The following CLCN3 variants were observed in gnomAD, a reference collection of about 807,000 sequenced individuals.
CLCN3 encodes Cl-/H+ antiporter 3.
CLCN3 carries 16 observed loss-of-function variants against 83.4 expected under a neutral mutation model. The ratio of observed to expected loss-of-function variants is 0.19; its 90% CI spans 0.13 to 0.29. CLCN3 has a LOEUF of 0.29. Ranked by LOEUF, CLCN3 falls within the 10% of genes least tolerant of loss-of-function variation. CLCN3 has a pLI of 1.00. For synonymous variants in CLCN3, 322 were observed against 346.2 expected, an observed-to-expected ratio of 0.93 and a Z score of 0.78; for missense variants, 544 against 1,006.0, an observed-to-expected ratio of 0.54 and a Z score of 6.21.
chr4:169,674,939 G>A (rs1476742184), intron 2 of CLCN3, among the ~76,000 whole-genome samples: 1 of 152,052 alleles, frequency 6.6e-6, no homozygotes. Flanking sequence ...ATGGGGTTTT[G>A]CCATGTTGCC....
intron 12 of CLCN3, among the ~76,000 whole-genome samples, chr4:169,716,027 C>CA (rs1278088166): frequency 6.6e-6 from 1 of 152,070 alleles, no homozygotes; most frequent in Non-Finnish European, 1.5e-5. Context: ...TAGTAGAACT[C>CA]ATGGGAACTG....
At chr4:169,659,338 A>C (rs1176176982) in intron 2 of CLCN3, among the ~76,000 whole-genome samples, 1 of 152,196 alleles carries the variant, frequency 6.6e-6, no homozygotes, top group Non-Finnish European at 1.5e-5. Context: ...TCTGAACTTC[A>C]TAAAAATTTC....
chr4:169,679,697 C>T (rs190631231), intron 2 of CLCN3, among the ~76,000 whole-genome samples: 53 of 152,282 alleles, frequency 3.5e-4, no homozygotes, highest in East Asian at 3.3e-3. Flanking sequence ...GAGACCAGCC[C>T]GGCCAACACG....
intron 3 of CLCN3, among the ~76,000 whole-genome samples, chr4:169,687,156 A>G (rs1489618674): frequency 6.6e-6 from 1 of 152,248 alleles, no homozygotes; most frequent in East Asian, 1.9e-4. Context: ...ATATTGTCTT[A>G]CAGAAGACAT....
chr4:169,658,241 T>C (rs1285760859), intron 2 of CLCN3, among the ~76,000 whole-genome samples: 1 of 118,320 alleles, frequency 8.5e-6, no homozygotes, highest in Non-Finnish European at 1.9e-5. Flanking sequence ...TATATAGATA[T>C]ATATTATATA....
At chr4:169,675,697 T>A (rs891563317) in intron 2 of CLCN3, among the ~76,000 whole-genome samples, 6 of 152,162 alleles carry the variant, frequency 3.9e-5, no homozygotes, top group Non-Finnish European at 8.8e-5. Context: ...GTTTTCAAAG[T>A]TTATAGTGCT....
At chr4:169,687,086 T>G (rs1293736491) in intron 3 of CLCN3, among the ~76,000 whole-genome samples, 1 of 152,194 alleles carries the variant, frequency 6.6e-6, no homozygotes, top group East Asian at 1.9e-4. Context: ...ATCCTGTCTT[T>G]TAAAGAACAT....
At chr4:169,691,933 A>T (rs1380653208) in intron 6 of CLCN3, among the ~76,000 whole-genome samples, 181 bp from the exon 7 acceptor site, 1 of 152,186 alleles carries the variant, frequency 6.6e-6, no homozygotes, top group East Asian at 1.9e-4. Flanking sequence ...TTAGATTATA[A>T]TATCAATTTA....
Position 169,720,118 on chromosome 4 carries a change from T to C in CLCN3, c.*121T>C, listed in dbSNP as rs1025068511. ...CTCCTTTACAAAAAAAGAAAGGAAA[T>C]ATAAAAGCCGGGTTTTTGCAACATG... On this transcript the variant is annotated 3_prime_UTR_variant, in exon 13 of 13. Coordinates refer to ENST00000513761, the MANE Select transcript of CLCN3 (RefSeq NM_001829.4). The C allele has an allele frequency of 6.7e-7, 1 of 1,492,620 alleles. No homozygotes were observed. Among genetic ancestry groups the C allele is most frequent in the Non-Finnish European group, 9.0e-7 (1 of 1,105,348 alleles). The allele number at this position is 1,492,620 out of a possible 1,614,324, so 92.5% of individuals were successfully genotyped here.
chr4:169,663,726 G>T, intron 2 of CLCN3: 1 of 310,738 alleles, frequency 3.2e-6, no homozygotes, highest in Non-Finnish European at 6.4e-6. Context: ...CCATTTTCTA[G>T]TTGACAAGAC....
chr4:169,669,314 A>G (rs544310449), intron 2 of CLCN3, among the ~76,000 whole-genome samples: 1 of 152,146 alleles, frequency 6.6e-6, no homozygotes, highest in African/African-American at 2.4e-5. Flanking sequence ...TGGCAAACCA[A>G]CCTGAAGATT....
rs1237875573 is a variant in CLCN3 at position 169,723,272 on chromosome 4, G to T, written c.*3275G>T. Reference sequence around the variant, plus strand: ...AGTGTAGGCCGATATGCCTGGCACAGGGAGCCCCAAAAAGGTAATAATTAT... The same window carrying T: ...AGTGTAGGCCGATATGCCTGGCACATGGAGCCCCAAAAAGGTAATAATTAT... On this transcript the variant is annotated 3_prime_UTR_variant, in exon 13 of 13. Coordinates refer to ENST00000513761, the MANE Select transcript of CLCN3 (RefSeq NM_001829.4). 2 of 152,158 alleles carry T rather than the reference G, an allele frequency of 1.3e-5. No homozygotes were observed. The highest frequency in any genetic ancestry group is 2.9e-5 in the Non-Finnish European group (2 of 68,042). The allele number at this position is 152,158 out of a possible 1,614,324, so 9.4% of individuals were successfully genotyped here.
At chr4:169,707,717 G>T (rs544569966) in intron 11 of CLCN3, among the ~76,000 whole-genome samples, 59 of 152,158 alleles carry the variant, frequency 3.9e-4, no homozygotes, top group Admixed American at 7.2e-4. Context: ...ATCAGTCTTT[G>T]GGGTTAGAAT....
At chr4:169,709,037 A>G (rs914879747) in intron 11 of CLCN3, among the ~76,000 whole-genome samples, 1 of 148,414 alleles carries the variant, frequency 6.7e-6, no homozygotes, top group African/African-American at 2.4e-5. Context: ...AAACATATCT[A>G]TATATGAAAA....
At chr4:169,627,057 C>G (rs560452102) in intron 1 of CLCN3, among the ~76,000 whole-genome samples, 2 of 152,142 alleles carry the variant, frequency 1.3e-5, no homozygotes, top group Admixed American at 6.5e-5. Flanking sequence ...TACTAAAATT[C>G]ATGTCTGATC....
intron 9 of CLCN3, chr4:169,702,855 G>A: frequency 3.9e-6 from 1 of 257,128 alleles, no homozygotes; most frequent in South Asian, 4.2e-5. Flanking sequence ...GGCTGAGTCG[G>A]CAGGATCACG....
At chr4:169,638,506 A>G (rs138973770) in intron 2 of CLCN3, among the ~76,000 whole-genome samples, 102 of 152,178 alleles carry the variant, frequency 6.7e-4, no homozygotes, top group African/African-American at 2.3e-3. Flanking sequence ...TCTAATTTTA[A>G]TGACAAAATT....
chr4:169,675,971 A>T (rs865846376), intron 2 of CLCN3, among the ~76,000 whole-genome samples: 1 of 152,208 alleles, frequency 6.6e-6, no homozygotes, highest in Admixed American at 6.5e-5. Flanking sequence ...GCTTATACAT[A>T]TATGTATACC....
chr4:169,712,287 C>A (rs193039457), intron 11 of CLCN3, among the ~76,000 whole-genome samples: 1 of 152,218 alleles, frequency 6.6e-6, no homozygotes, highest in African/African-American at 2.4e-5. Context: ...TTTCCTTCTC[C>A]GTCTTGTGTG....
Sources: allele counts gnomAD v4.1 joint callset (sites outside exome capture counted in the v4.1 genomes callset), GRCh38; gene constraint gnomAD v4.1.1; transcripts MANE v1.5; gene names NCBI Gene and HGNC (gene_info 2026-07-23, HGNC 2026-07-21).